SYVN1: variants seen among roughly 807,000 people sequenced by gnomAD.
The protein encoded by SYVN1 is synoviolin 1, also known as E3 ubiquitin-protein ligase synoviolin.
In SYVN1, 17 loss-of-function variants were observed where a neutral mutation model predicts 62.6. The ratio of observed to expected loss-of-function variants is 0.27; its 90% CI spans 0.19 to 0.41. SYVN1 has a LOEUF of 0.41. SYVN1 is among the 10% of genes least tolerant of loss of function. SYVN1 has a pLI of 1.00. For missense variants in SYVN1, 634 were observed against 818.0 expected (o/e 0.78, Z 2.74); for synonymous variants, 316 against 304.0 (o/e 1.04, Z -0.41).
intron 6 of SYVN1, 68 bp downstream of exon 6, chr11:65,132,180 T>G: frequency 8.0e-7 from 1 of 1,242,980 alleles, no homozygotes; most frequent in Non-Finnish European, 1.2e-6. Flanking sequence ...GAAGGGTCTG[T>G]TGGGTTATTC....
In SYVN1 at chr11:65,133,091, G is replaced by T. The variant is rs1407899108; in HGVS notation, c.226-17C>A. ...CAGAAGGTGCTGGGGGCCAGGCAGG[G>T]AATAATGTGGATACCAAACATTCTT... On this transcript the variant is annotated splice_polypyrimidine_tract_variant and intron_variant, in intron 3 of 15. Transcript: ENST00000377190. 3 of 1,614,072 alleles carry T rather than the reference G, an allele frequency of 1.9e-6. No homozygotes were observed. Among genetic ancestry groups the T allele is most frequent in the African/African-American group, 2.7e-5 (2 of 74,930 alleles).
chr11:65,132,835 C>G (rs1183726077), intron 4 of SYVN1, 55 bp from the exon 5 acceptor site: 2 of 1,613,366 alleles, frequency 1.2e-6, no homozygotes, highest in Admixed American at 3.3e-5. Flanking sequence ...ACCCCACACC[C>G]TCAACCTAGC....
In SYVN1 at chr11:65,130,733, T is replaced by G. The variant is rs148093401; in HGVS notation, c.1032A>C (p.Pro344=). 5,547 of 1,523,984 alleles carry G rather than the reference T, an allele frequency of 3.6e-3. 13 individuals carry two copies. Among genetic ancestry groups the G allele is most frequent in the Non-Finnish European group, 4.6e-3 (5,238 of 1,140,186 alleles). The allele number at this position is 1,523,984 out of a possible 1,614,324, so 94.4% of individuals were successfully genotyped here. The change falls in exon 11 of 16, where the codon CCA becomes CCC. Residue 344 remains proline, a synonymous_variant. Transcript: ENST00000377190. ...LRASLPAQSP[P]PPEPADQGPP... is the part of the protein sequence containing the mutation. ...GCCCCTGATCCGCAGGCTCCGGGGG[T>G]GGTGGTGACTGCGCTGGCAGCGATG...
intron 7 of SYVN1, 37 bp downstream of exon 7, chr11:65,131,433 G>T (rs754748277): frequency 4.3e-6 from 7 of 1,613,974 alleles, no homozygotes; most frequent in Non-Finnish European, 5.9e-6. Flanking sequence ...AGTGGAGGAT[G>T]CTGGTCCAGA....
In SYVN1 at chr11:65,128,429, G is replaced by A; in HGVS notation, c.1807C>T (p.Leu603Phe). The A allele has an allele frequency of 6.2e-7, 1 of 1,614,112 alleles. No individual in the cohort carries two copies. The highest frequency in any genetic ancestry group is 8.5e-7 in the Non-Finnish European group (1 of 1,180,034). ...AGCTTCTGCAGGCGGCGCCGGCGGA[G>A]CTCTGCTGCATCGGGCTCTCCATCC... Reference protein sequence around the residue: ...PEDGEPDAAELRRRRLQKLES... With the variant: ...PEDGEPDAAEFRRRRLQKLES... The change falls in exon 16 of 16, where the codon CTC becomes TTC. Residue 603 changes from leucine to phenylalanine, a missense_variant. Transcript: ENST00000377190.
intron 11 of SYVN1, 46 bp downstream of exon 11, chr11:65,130,614 C>T: frequency 6.7e-7 from 1 of 1,487,888 alleles, no homozygotes; most frequent in Non-Finnish European, 8.9e-7. Context: ...CAGCCCAGGG[C>T]AAGTATCCAG....
At position 65,128,420 on chromosome 11, in the gene SYVN1, G is replaced by A. The variant is rs781223092; in HGVS notation, c.1816C>T (p.Arg606Cys). 17 of 1,613,814 alleles carry A rather than the reference G, an allele frequency of 1.1e-5. No homozygotes were observed. Among genetic ancestry groups the A allele is most frequent in the Non-Finnish European group, 1.4e-5 (17 of 1,180,000 alleles). The change falls in exon 16 of 16, where the codon CGC becomes TGC. Residue 606 changes from arginine to cysteine, a missense_variant. Around this residue, in one of 2 missense-constraint regions of SYVN1, gnomAD observed 351 missense variants for 373.3 expected, o/e 0.94. Coordinates refer to ENST00000377190, the MANE Select transcript of SYVN1 (RefSeq NM_172230.3). ...GGAGACTCCAGCTTCTGCAGGCGGC[G>A]CCGGCGGAGCTCTGCTGCATCGGGC... ...GEPDAAELRR[R>C]RLQKLESPVA... is the part of the protein sequence containing the mutation.
Position 65,128,724 on chromosome 11 carries a change from G to C in SYVN1, c.1596-10C>G. 1.9e-6 allele frequency: 3 copies of C among 1,595,472 alleles called. No homozygotes were observed. In the South Asian group the frequency reaches 3.4e-5, roughly 18 times the overall value. ...GGCAGGCCGGGGGGGCCTGGGAAGA[G>C]AAGGGACGAGAGGCGGGCCTGGCCT... is the stretch of plus-strand genomic sequence containing the variant. On this transcript the variant is annotated splice_polypyrimidine_tract_variant and intron_variant, in intron 14 of 15. Coordinates refer to ENST00000377190, the MANE Select transcript of SYVN1 (RefSeq NM_172230.3).
Position 65,128,172 on chromosome 11 carries a change from A to G in SYVN1, c.*210T>C. The G allele has an allele frequency of 1.0e-5, 6 of 601,508 alleles. No individual in the cohort carries two copies. The South Asian group carries it at 1.2e-4, about 12-fold the overall frequency. The allele number at this position is 601,508 out of a possible 1,614,324, so 37.3% of individuals were successfully genotyped here. A position where few individuals can be genotyped will look rare whatever the true frequency, so the allele number is the denominator to read the frequency against. ...TGAAGAGTTGGAGAGGAAGGCTGGA[A>G]CTGACCCGAGATCCCCATGGCTGCC... On this transcript the variant is annotated 3_prime_UTR_variant, in exon 16 of 16. Transcript: ENST00000377190.
intron 5 of SYVN1, 135 bp from the exon 6 acceptor site, chr11:65,132,486 C>G: frequency 1.3e-6 from 1 of 765,886 alleles, no homozygotes; most frequent in Non-Finnish European, 2.2e-6. Flanking sequence ...CTCCACTGAA[C>G]CTGGCCCTCT....
rs1948175966 is a variant in SYVN1 at position 65,131,254 on chromosome 11, G to A, written c.758+20C>T. The A allele has an allele frequency of 6.2e-7, 1 of 1,613,808 alleles. No individual in the cohort carries two copies. Among genetic ancestry groups the A allele is most frequent in the African/African-American group, 1.3e-5 (1 of 74,902 alleles). ...GGACGGGATCAGGTCAGGAGGATCG[G>A]GGGACAGGGCCGGGCTCACCTCATG... On this transcript the variant is annotated intron_variant, in intron 8 of 15. Coordinates refer to ENST00000377190, the MANE Select transcript of SYVN1 (RefSeq NM_172230.3).
intron 5 of SYVN1, 75 bp from the exon 6 acceptor site, chr11:65,132,426 C>A: frequency 9.5e-7 from 1 of 1,056,606 alleles, no homozygotes; most frequent in Non-Finnish European, 1.5e-6. Context: ...TCTAGGACAG[C>A]CCCACCCTCA....
chr11:65,129,862 C>T lies in SYVN1; in HGVS notation c.1462G>A (p.Glu488Lys), dbSNP rs1377622769. 1.2e-6 allele frequency: 2 copies of T among 1,614,004 alleles called. No homozygotes were observed. The highest frequency in any genetic ancestry group is 1.7e-6 in the Non-Finnish European group (2 of 1,180,046). Residue 488 changes from glutamate (E) to lysine (K), a missense_variant, in exon 14 of 16, where the codon GAG becomes AAG. Glu to Lys is a moderately conservative substitution (Grantham distance 56, BLOSUM62 1). This residue lies in a region of SYVN1 where 351 missense variants were observed against 373.3 expected (regional missense o/e 0.94). Transcript: ENST00000377190. The part of the protein sequence containing the change: ...PAGFAGLTPE[E>K]LRALEGHERQ... ...TCATGGCCCTCCAGAGCTCGTAGCT[C>T]CTCTGGGGTCAGCCCAGCAAAGCCC...
chr11:65,130,326 G>C lies in SYVN1; in HGVS notation c.1159C>G (p.Pro387Ala), dbSNP rs539465996. Residue 387 changes from proline to alanine, a missense_variant, in exon 12 of 16, where the codon CCC becomes GCC. Transcript: ENST00000377190. ...FPPGMFPLWPPMGPFPPVPPP... is the reference protein window; with the variant it reads ...FPPGMFPLWPAMGPFPPVPPP... ...GGGACAGGTGGAAAGGGGCCCATGG[G>C]GGGCCACAGTGGGAACATGCCTGGA... 3 of 1,578,906 alleles carry C rather than the reference G, an allele frequency of 1.9e-6. No individual in the cohort carries two copies. The highest frequency in any genetic ancestry group is 1.4e-5 in the African/African-American group (1 of 73,650).
chr11:65,132,595 G>A (rs1278599804), intron 5 of SYVN1, 137 bp downstream of exon 5: 2 of 1,111,554 alleles, frequency 1.8e-6, no homozygotes, highest in Non-Finnish European at 2.7e-6. Context: ...CCCTAGAGTG[G>A]AACAGCACAG....
chr11:65,132,657 G>GT, intron 5 of SYVN1, 75 bp downstream of exon 5: 1 of 1,470,282 alleles, frequency 6.8e-7, no homozygotes, highest in East Asian at 2.3e-5. Flanking sequence ...GCTGTGGGGG[G>GT]TAGCCTGTGC....
chr11:65,129,580 T>C (rs1219186453), intron 14 of SYVN1, 149 bp downstream of exon 14: 1 of 664,342 alleles, frequency 1.5e-6, no homozygotes, highest in Non-Finnish European at 2.6e-6. Flanking sequence ...CACCAGGAGT[T>C]ACCAAGAACT....
rs1410252100 is a variant in SYVN1, at chr11:65,131,498, C to T, written c.630G>A (p.Val210=). 2.5e-6 allele frequency: 4 copies of T among 1,613,948 alleles called. No individual in the cohort carries two copies. Among genetic ancestry groups the T allele is most frequent in the Non-Finnish European group, 2.5e-6 (3 of 1,179,986 alleles). The change falls in exon 7 of 16, where the codon GTG becomes GTA. Residue 210 remains valine, a synonymous_variant. Transcript: ENST00000377190. The part of the protein sequence containing the change: ...QSENPWDNKA[V]YMLYTELFTG... ...TAAACAGCTCTGTGTAGAGCATGTACACAGCCTTGTTGTCCCAGGGGTTCT... is the reference window on the plus strand; with the variant it reads ...TAAACAGCTCTGTGTAGAGCATGTATACAGCCTTGTTGTCCCAGGGGTTCT...
rs781294525 is a variant in SYVN1, at chr11:65,129,982, CAG to C, written c.1408+18_1408+19del. On this transcript the variant is annotated intron_variant, in intron 13 of 15. Coordinates refer to ENST00000377190, the MANE Select transcript of SYVN1 (RefSeq NM_172230.3). ...ACCAACCTCACCCCCAAGAAGAACC[CAG>C]AGAGTGGCCCAGCTTACCAAAGGGT... is the stretch of plus-strand genomic sequence containing the variant. The C allele has an allele frequency of 3.5e-5, 56 of 1,595,234 alleles. No homozygotes were observed. The highest frequency in any genetic ancestry group is 1.5e-4 in the African/African-American group (11 of 74,652).
Sources: gnomAD v4.1 joint callset for allele counts on GRCh38, gnomAD v4.1.1 for gene constraint, gnomAD v4.1.1 regional missense constraint, MANE v1.5 for transcripts, NCBI Gene and HGNC (gene_info 2026-07-23, HGNC 2026-07-21) for gene names.